The following ZBTB39 variants were observed in gnomAD, a reference collection of about 807,000 sequenced individuals.
ZBTB39 encodes the protein zinc finger and BTB domain containing 39.
A neutral mutation model predicts 39.4 loss-of-function variants in ZBTB39; 25 were observed. The observed-to-expected ratio is 0.63, with a 90% CI of 0.46 to 0.89. ZBTB39 has a LOEUF of 0.89. Ranked by LOEUF, ZBTB39 falls within the 40% of genes least tolerant of loss-of-function variation. The probability of loss-of-function intolerance (pLI) is 0.00; values close to 1 mark genes in which losing one functional copy is unlikely to be tolerated. For synonymous variants in ZBTB39, 373 were observed against 359.6 expected (o/e 1.04, Z -0.42); for missense variants, 891 against 909.7 (o/e 0.98, Z 0.26).
rs765287315 is a variant in ZBTB39 at position 57,004,416 on chromosome 12, C to T, written c.502G>A (p.Ala168Thr). Residue 168 changes from alanine to threonine, a missense_variant, in exon 2 of 2, where the codon GCT becomes ACT. Physicochemically the swap from Ala to Thr is moderately conservative, Grantham distance 58. Coordinates refer to ENST00000300101, the MANE Select transcript of ZBTB39 (RefSeq NM_014830.3). ...ELRGGGDYLGADRNYVLPSDA... is the reference protein window; with the variant it reads ...ELRGGGDYLGTDRNYVLPSDA... ...CTGGGCAACACATAGTTTCTATCAGCACCAAGGTAGTCCCCACCACCTCGG... is the reference window on the plus strand; with the variant it reads ...CTGGGCAACACATAGTTTCTATCAGTACCAAGGTAGTCCCCACCACCTCGG... The T allele has an allele frequency of 1.2e-6, 2 of 1,614,198 alleles. No homozygotes were observed. Among genetic ancestry groups the T allele is most frequent in the South Asian group, 2.2e-5 (2 of 91,086 alleles).
At position 57,003,837 on chromosome 12, in the gene ZBTB39, G is replaced by A; in HGVS notation, c.1081C>T (p.Gln361Ter). The change falls in exon 2 of 2, where the codon CAG becomes TAG. Residue 361 changes from glutamine to a stop codon, truncating the protein, a stop_gained. Coordinates refer to ENST00000300101, the MANE Select transcript of ZBTB39 (RefSeq NM_014830.3). LOFTEE classifies it high-confidence loss of function. The surrounding 1 kb of genome is among the most constrained non-coding windows in gnomAD (Gnocchi z 4.8). ...AGGTCCACATGGTCCCGAGCATGCT[G>A]CCGGATCAGTTGAATGTTGGGCTCT... ...VLEPNIQLIRQHARDHVDLLT... is the reference protein window; with the variant it reads ...VLEPNIQLIR 6.2e-7 allele frequency: 1 copy of A among 1,614,202 alleles called. No individual in the cohort carries two copies. Among genetic ancestry groups the A allele is most frequent in the Non-Finnish European group, 8.5e-7 (1 of 1,180,034 alleles).
rs1956229253 is a variant in ZBTB39, at chr12:57,004,005, G to C, written c.913C>G (p.Gln305Glu). 1.2e-6 allele frequency: 2 copies of C among 1,614,102 alleles called. No individual in the cohort carries two copies. Among genetic ancestry groups the C allele is most frequent in the Middle Eastern group, 1.6e-4 (1 of 6,084 alleles). ...ATATCCTCAGCAGGGTCTTCAAACTGCAAGTCATCATCCCCCAGGTCCTCG... is the reference window on the plus strand; with the variant it reads ...ATATCCTCAGCAGGGTCTTCAAACTCCAAGTCATCATCCCCCAGGTCCTCG... ...QLEDLGDDDL[Q>E]FEDPAEDIGT... The change falls in exon 2 of 2, where the codon CAG (glutamine) becomes GAG (glutamate). Residue 305 changes from glutamine to glutamate, a missense_variant. Transcript: ENST00000300101.
At position 57,003,787 on chromosome 12, in the gene ZBTB39, G is replaced by A. The variant is rs533024284; in HGVS notation, c.1131C>T (p.Cys377=). ...AGTTTCGGTCCTGGAAGTGGGTCTC[G>A]CAGACCTTGCAGTTGCCCGTCAGCA... is the stretch of plus-strand genomic sequence containing the variant. ...VDLLTGNCKV[C]ETHFQDRNSR... The change falls in exon 2 of 2, where the codon TGC becomes TGT. Residue 377 remains cysteine, a synonymous_variant. Transcript: ENST00000300101. The surrounding 1 kb of genome is among the most constrained non-coding windows in gnomAD (Gnocchi z 4.8). The A allele has an allele frequency of 1.4e-5, 22 of 1,614,196 alleles. No homozygotes were observed. In the Admixed American group the frequency reaches 2.0e-4, roughly 15 times the overall value.
Position 57,002,941 on chromosome 12 carries a change from G to A in ZBTB39, c.1977C>T (p.Leu659=), listed in dbSNP as rs758908942. The change falls in exon 2 of 2, where the codon CTC becomes CTT. Residue 659 remains leucine, a synonymous_variant. Coordinates refer to ENST00000300101, the MANE Select transcript of ZBTB39 (RefSeq NM_014830.3). ...KCHLKTHSGA[L]MYRCTVCGHY... ...GCCCACAGACTGTGCAGCGGTACAT[G>A]AGGGCCCCCGAGTGTGTCTTTAGGT... is the stretch of plus-strand genomic sequence containing the variant. The A allele has an allele frequency of 8.7e-6, 14 of 1,614,154 alleles. No homozygotes were observed. Among genetic ancestry groups the A allele is most frequent in the Non-Finnish European group, 1.2e-5 (14 of 1,180,058 alleles).
chr12:57,002,071 A>C lies in ZBTB39; in HGVS notation c.*708T>G, dbSNP rs922874902. On this transcript the variant is annotated 3_prime_UTR_variant, in exon 2 of 2. Transcript: ENST00000300101. ...GAGAAAAGAGAAACCTCTCCTGTCC[A>C]TCCAGGCTGCCACTTCTGGTGGCAC... The C allele has an allele frequency of 1.6e-4, 24 of 152,686 alleles. No homozygotes were observed. The highest frequency in any genetic ancestry group is 1.0e-4 in the Non-Finnish European group (7 of 68,060). 9.5% of individuals were successfully genotyped at this position (152,686 alleles called of 1,614,324 possible). A position where few individuals can be genotyped will look rare whatever the true frequency, so the allele number is the denominator to read the frequency against.
chr12:57,004,900 T>C lies in ZBTB39; in HGVS notation c.18A>G (p.Lys6=). The C allele has an allele frequency of 6.3e-7, 1 of 1,599,760 alleles. No individual in the cohort carries two copies. Among genetic ancestry groups the C allele is most frequent in the South Asian group, 1.1e-5 (1 of 89,268 alleles). ...TGTTGGGGTGGTTGGTGCTTTGCAG[T>C]TTGATCCTCATGCCCATCTTAGCAG... is the stretch of plus-strand genomic sequence containing the variant. MGMRI[K]LQSTNHPNNL... is the part of the protein sequence containing the mutation. Residue 6 remains lysine, a synonymous_variant, in exon 2 of 2, where the codon AAA becomes AAG. Coordinates refer to ENST00000300101, the MANE Select transcript of ZBTB39 (RefSeq NM_014830.3).
Position 57,003,943 on chromosome 12 carries a change from G to C in ZBTB39, c.975C>G (p.Asp325Glu), listed in dbSNP as rs745769121. ...TTEEVIELSD[D>E]SEDELAFGEN... is the part of the protein sequence containing the mutation. ...CTCCAAAAGCCAACTCATCCTCACT[G>C]TCATCACTCAGCTCAATCACCTCCT... Residue 325 changes from aspartate (D) to glutamate (E), a missense_variant, in exon 2 of 2, where the codon GAC (aspartate) becomes GAG (glutamate). Asp to Glu is a conservative substitution (Grantham distance 45). Coordinates refer to ENST00000300101, the MANE Select transcript of ZBTB39 (RefSeq NM_014830.3). The surrounding 1 kb of genome is among the most constrained non-coding windows in gnomAD (Gnocchi z 4.8). The C allele has an allele frequency of 6.2e-7, 1 of 1,614,080 alleles. No homozygotes were observed. Among genetic ancestry groups the C allele is most frequent in the East Asian group, 2.2e-5 (1 of 44,898 alleles).
In ZBTB39 at chr12:57,001,979, T is replaced by C. The variant is rs1023409826; in HGVS notation, c.*800A>G. The C allele has an allele frequency of 3.9e-5, 6 of 152,514 alleles. No homozygotes were observed. The highest frequency in any genetic ancestry group is 6.5e-5 in the Admixed American group (1 of 15,274). The allele number at this position is 152,514 out of a possible 1,614,324, so 9.4% of individuals were successfully genotyped here. ...TATATCAAAGTGGTTCCCTATCCTC[T>C]CTGCCCCACAGAAGGCCGGACGTCC... On this transcript the variant is annotated 3_prime_UTR_variant, in exon 2 of 2. Coordinates refer to ENST00000300101, the MANE Select transcript of ZBTB39 (RefSeq NM_014830.3).
chr12:57,002,616 A>C lies in ZBTB39; in HGVS notation c.*163T>G. 4.5e-6 allele frequency: 3 copies of C among 673,178 alleles called. No individual in the cohort carries two copies. Among genetic ancestry groups the C allele is most frequent in the Non-Finnish European group, 7.5e-6 (3 of 401,452 alleles). The allele number at this position is 673,178 out of a possible 1,614,324, so 41.7% of individuals were successfully genotyped here. A position where few individuals can be genotyped will look rare whatever the true frequency, so the allele number is the denominator to read the frequency against. On this transcript the variant is annotated 3_prime_UTR_variant, in exon 2 of 2. Coordinates refer to ENST00000300101, the MANE Select transcript of ZBTB39 (RefSeq NM_014830.3). ...GCTGTTGCTTCTCAACAACAGTAAC[A>C]GCTTATGTGCTATTTCTTCTTCTTT... is the stretch of plus-strand genomic sequence containing the variant.
chr12:57,003,772 C>G lies in ZBTB39; in HGVS notation c.1146G>C (p.Gln382His). 6.2e-7 allele frequency: 1 copy of G among 1,614,214 alleles called. No homozygotes were observed. The highest frequency in any genetic ancestry group is 8.5e-7 in the Non-Finnish European group (1 of 1,180,046). ...GNCKVCETHF[Q>H]DRNSRVTHVL... ...CATGAGTTACCCGGGAGTTTCGGTC[C>G]TGGAAGTGGGTCTCGCAGACCTTGC... is the stretch of plus-strand genomic sequence containing the variant. Residue 382 changes from glutamine (Q) to histidine (H), a missense_variant, in exon 2 of 2, where the codon CAG becomes CAC. Coordinates refer to ENST00000300101, the MANE Select transcript of ZBTB39 (RefSeq NM_014830.3). This position sits in a 1 kb window ranked among gnomAD's most constrained non-coding sequence, Gnocchi z 4.8.
At position 57,004,520 on chromosome 12, in the gene ZBTB39, G is replaced by A. The variant is rs1205672985; in HGVS notation, c.398C>T (p.Pro133Leu). 3 of 1,614,198 alleles carry A rather than the reference G, an allele frequency of 1.9e-6. No individual in the cohort carries two copies. Among genetic ancestry groups the A allele is most frequent in the Non-Finnish European group, 2.5e-6 (3 of 1,180,034 alleles). ...PDLESTARAK[P>L]LTSTSESHSG... ...GTGGCTCTCACTGGTGCTGGTCAGG[G>A]GCTTGGCCCTGGCAGTGCTCTCCAG... Residue 133 changes from proline to leucine, a missense_variant, in exon 2 of 2, where the codon CCC becomes CTC. Coordinates refer to ENST00000300101, the MANE Select transcript of ZBTB39 (RefSeq NM_014830.3).
Position 57,004,015 on chromosome 12 carries a change from A to G in ZBTB39, c.903T>C (p.Asp301=). 1 of 1,614,242 alleles carries G rather than the reference A, an allele frequency of 6.2e-7. No individual in the cohort carries two copies. The highest frequency in any genetic ancestry group is 8.5e-7 in the Non-Finnish European group (1 of 1,180,042). ...MDELQLEDLG[D]DDLQFEDPAE... is the part of the protein sequence containing the mutation. ...CAGGGTCTTCAAACTGCAAGTCATC[A>G]TCCCCCAGGTCCTCGAGCTGGAGCT... Residue 301 remains aspartate (D), a synonymous_variant, in exon 2 of 2, where the codon GAT becomes GAC. Transcript: ENST00000300101.
rs1956236598 is a variant in ZBTB39 at position 57,004,945 on chromosome 12, T to C, written c.-28A>G. The C allele has an allele frequency of 1.3e-6, 2 of 1,552,224 alleles. No homozygotes were observed. The highest frequency in any genetic ancestry group is 1.9e-5 in the Admixed American group (1 of 53,992). ...TAGCAGCTCCTATGAAATTACCTCC[T>C]TATCAGCACAGTTAATCTGTGGATA... On this transcript the variant is annotated 5_prime_UTR_variant, in exon 2 of 2. Transcript: ENST00000300101.
In ZBTB39 at chr12:57,004,595, C is replaced by G. The variant is rs769635085; in HGVS notation, c.323G>C (p.Arg108Pro). ...CTGGAGGAGGTCCTCCATACCCAGA[C>G]GCTCAGCTACCTCGTAGATGACCCC... ...NVGVIYEVAE[R>P]LGMEDLLQAC... The change falls in exon 2 of 2, where the codon CGT becomes CCT. Residue 108 changes from arginine (R) to proline (P), a missense_variant. Arg to Pro is a moderately radical substitution (Grantham distance 103, BLOSUM62 -2). Transcript: ENST00000300101. The G allele has an allele frequency of 1.9e-6, 3 of 1,614,208 alleles. No individual in the cohort carries two copies. Among genetic ancestry groups the G allele is most frequent in the Non-Finnish European group, 8.5e-7 (1 of 1,180,036 alleles).
chr12:57,006,209 G>T (rs562533885), intron 1 of ZBTB39, among the ~76,000 whole-genome samples, 196 bp downstream of exon 1: 1 of 152,104 alleles, frequency 6.6e-6, no homozygotes, highest in South Asian at 2.1e-4. Flanking sequence ...GCTCACCCGG[G>T]TGAGCCTGTT....
chr12:57,003,543 C>G lies in ZBTB39; in HGVS notation c.1375G>C (p.Val459Leu). 6.2e-7 allele frequency: 1 copy of G among 1,614,174 alleles called. No homozygotes were observed. Residue 459 changes from valine (V) to leucine (L), a missense_variant, in exon 2 of 2, where the codon GTA becomes CTA. Transcript: ENST00000300101. The surrounding 1 kb of genome is among the most constrained non-coding windows in gnomAD (Gnocchi z 4.8). ...ACCACATGGAAATCTTTGGCCAATA[C>G]TTTCCCACAGGCAGCGCATTTCAGC... ...PELKCAACGK[V>L]LAKDFHVVRG...
rs138186673 is a variant in ZBTB39, at chr12:57,003,806, G to A, written c.1112C>T (p.Thr371Met). 29 of 1,614,096 alleles carry A rather than the reference G, an allele frequency of 1.8e-5. No homozygotes were observed. The highest frequency in any genetic ancestry group is 6.7e-5 in the African/African-American group (5 of 74,946). ...GGTCTCGCAGACCTTGCAGTTGCCC[G>A]TCAGCAGGTCCACATGGTCCCGAGC... ...QHARDHVDLL[T>M]GNCKVCETHF... The change falls in exon 2 of 2, where the codon ACG becomes ATG. Residue 371 changes from threonine (T) to methionine (M), a missense_variant. Coordinates refer to ENST00000300101, the MANE Select transcript of ZBTB39 (RefSeq NM_014830.3). This position sits in a 1 kb window ranked among gnomAD's most constrained non-coding sequence, Gnocchi z 4.8.
chr12:57,004,132 G>A lies in ZBTB39; in HGVS notation c.786C>T (p.Thr262=). The change falls in exon 2 of 2, where the codon ACC becomes ACT. Residue 262 remains threonine (T), a synonymous_variant. Transcript: ENST00000300101. ...NGDFSKNSFL[T]PDNAVDITTG... ...TGGTAATGTCTACTGCATTGTCAGGGGTGAGGAAGCTGTTTTTACTGAAGT... is the reference window on the plus strand; with the variant it reads ...TGGTAATGTCTACTGCATTGTCAGGAGTGAGGAAGCTGTTTTTACTGAAGT... 6.2e-7 allele frequency: 1 copy of A among 1,614,178 alleles called. No homozygotes were observed.
In ZBTB39 at chr12:57,002,869, G is replaced by A. The variant is rs1294963353; in HGVS notation, c.2049C>T (p.His683=). 1.2e-6 allele frequency: 2 copies of A among 1,614,230 alleles called. No individual in the cohort carries two copies. Among genetic ancestry groups the A allele is most frequent in the South Asian group, 1.1e-5 (1 of 91,086 alleles). ...LNLMSKHVGV[H]KGSLPPDFTI... is the part of the protein sequence containing the mutation. ...TGAAGTCAGGGGGGAGGCTGCCTTTGTGCACACCAACATGTTTGCTCATGA... is the reference window on the plus strand; with the variant it reads ...TGAAGTCAGGGGGGAGGCTGCCTTTATGCACACCAACATGTTTGCTCATGA... The change falls in exon 2 of 2, where the codon CAC becomes CAT. Residue 683 remains histidine (H), a synonymous_variant. Transcript: ENST00000300101.
Sources: allele counts gnomAD v4.1 joint callset (sites outside exome capture counted in the v4.1 genomes callset), GRCh38; gene constraint gnomAD v4.1.1; non-coding constraint Gnocchi (gnomAD v3.1); transcripts MANE v1.5; gene names NCBI Gene and HGNC (gene_info 2026-07-23, HGNC 2026-07-21).